The following ASTN2 variants were observed in gnomAD, a reference collection of about 807,000 sequenced individuals.
The protein encoded by ASTN2 is astrotactin 2, also known as astrotactin-2.
A neutral mutation model predicts 139.8 loss-of-function variants in ASTN2; 54 were observed. The observed-to-expected ratio is 0.39, with a 90% CI of 0.31 to 0.48. The LOEUF is 0.48. ASTN2 is among the 20% of genes least tolerant of loss of function. ASTN2 has a pLI of 0.95. For synonymous variants in ASTN2, 756 were observed against 719.5 expected, an observed-to-expected ratio of 1.05 and a Z score of -0.81; for missense variants, 1,565 against 1,725.1, an observed-to-expected ratio of 0.91 and a Z score of 1.64.
chr9:116,710,997 T>C (rs893187259), intron 16 of ASTN2, among the ~76,000 whole-genome samples: 1 of 152,178 alleles, frequency 6.6e-6, no homozygotes, highest in South Asian at 2.1e-4. Flanking sequence ...ACATGCATAT[T>C]ACCTTGCCTG....
chr9:117,004,682 G>A (rs1837304962), intron 7 of ASTN2, among the ~76,000 whole-genome samples: 1 of 152,130 alleles, frequency 6.6e-6, no homozygotes, highest in Non-Finnish European at 1.5e-5. Flanking sequence ...CTGTTGTCAT[G>A]GTATTCACGT....
chr9:116,543,030 A>C (rs1851939831), intron 19 of ASTN2, among the ~76,000 whole-genome samples: 2 of 152,028 alleles, frequency 1.3e-5, no homozygotes, highest in Non-Finnish European at 2.9e-5. Context: ...GGACAGAAAT[A>C]TTTTTGGAAC....
At chr9:117,030,035 A>G (rs1838203682) in intron 6 of ASTN2, among the ~76,000 whole-genome samples, 1 of 152,176 alleles carries the variant, frequency 6.6e-6, no homozygotes, top group Non-Finnish European at 1.5e-5. Context: ...AAAACGCTGA[A>G]GTTTAGGAGG....
At chr9:116,828,313 A>AG (rs1288515931) in intron 11 of ASTN2, among the ~76,000 whole-genome samples, 1 of 151,704 alleles carries the variant, frequency 6.6e-6, no homozygotes, top group African/African-American at 2.4e-5. Context: ...AAAAAAAAAA[A>AG]AAAATACTAG....
intron 19 of ASTN2, among the ~76,000 whole-genome samples, chr9:116,566,814 A>G (rs1853256448): frequency 6.6e-6 from 1 of 152,106 alleles, no homozygotes; most frequent in Non-Finnish European, 1.5e-5. Context: ...TGTCTTGAGG[A>G]TTCCCTTAGG....
Position 117,414,100 on chromosome 9 carries a change from G to A in ASTN2, c.442+397C>T, listed in dbSNP as rs2130987283. 6.6e-6 allele frequency among the ~76,000 whole-genome samples: 1 copy of A among 152,062 alleles called. No individual in the cohort carries two copies. Among genetic ancestry groups the A allele is most frequent in the South Asian group, 2.1e-4 (1 of 4,808 alleles). On this transcript the variant is annotated intron_variant, in intron 1 of 22. Coordinates refer to ENST00000313400, the MANE Select transcript of ASTN2 (RefSeq NM_001365068.1). The surrounding 1 kb of genome is among the most constrained non-coding windows in gnomAD (Gnocchi z 4.2). The stretch of plus-strand genomic sequence containing the variant: ...AGCGAGGGGGCGGTGACGGCGGGTG[G>A]CCAGTGACGGTACCCGGAGAAGTGG...
chr9:116,610,600 C>T (rs1453832159), intron 19 of ASTN2, among the ~76,000 whole-genome samples: 2 of 151,314 alleles, frequency 1.3e-5, no homozygotes, highest in African/African-American at 4.9e-5. Flanking sequence ...CGAAATTCTG[C>T]CTCAAAAAAC....
Position 116,854,932 on chromosome 9 carries a change from T to G in ASTN2, c.2040+8651A>C, listed in dbSNP as rs546318300. On this transcript the variant is annotated intron_variant, in intron 11 of 22. Transcript: ENST00000313400. ...CTCCCAAAGTGCTAGGATTACAGGT[T>G]TGAGCCACCGCGCCCGGCCTCCCTT... 2.2e-3 allele frequency among the ~76,000 whole-genome samples: 335 copies of G among 151,986 alleles called. 1 individual carries two copies. The highest frequency in any genetic ancestry group is 3.7e-3 in the Non-Finnish European group (252 of 67,992).
rs555341465 is a variant in ASTN2 at position 117,027,942 on chromosome 9, T to C, written c.1423+11877A>G. On this transcript the variant is annotated intron_variant, in intron 6 of 22. Coordinates refer to ENST00000313400, the MANE Select transcript of ASTN2 (RefSeq NM_001365068.1). ...GCTTCACTTTAATAGATGGTAAAAT[T>C]GGTGGTTCTGAGAAGTACAGTGACT... 2.2e-4 allele frequency among the ~76,000 whole-genome samples: 33 copies of C among 152,220 alleles called. 1 individual carries two copies. In the South Asian group the frequency reaches 6.8e-3, roughly 32 times the overall value.
At chr9:116,826,378 T>C (rs561932346) in intron 11 of ASTN2, among the ~76,000 whole-genome samples, 1 of 152,314 alleles carries the variant, frequency 6.6e-6, no homozygotes, top group Admixed American at 6.5e-5. Context: ...CATTTAATGC[T>C]GGACTATGTC....
chr9:116,610,801 T>C lies in ASTN2; in HGVS notation c.3355+7523A>G, dbSNP rs980180248. ...GTTTATGAACTTAAATAACAATAAC[T>C]TCAAAATATATAAAATAAAACATGA... On this transcript the variant is annotated intron_variant, in intron 19 of 22. Transcript: ENST00000313400. 5 of 152,086 alleles carry C rather than the reference T, an allele frequency of 3.3e-5. No homozygotes were observed. In the East Asian group the frequency reaches 7.7e-4, roughly 23 times the overall value. 9.4% of individuals were successfully genotyped at this position (152,086 alleles called of 1,614,324 possible).
chr9:117,214,928 A>G (rs1345827643), intron 2 of ASTN2, among the ~76,000 whole-genome samples, 186 bp from the exon 3 acceptor site: 1 of 152,128 alleles, frequency 6.6e-6, no homozygotes, highest in East Asian at 1.9e-4. Flanking sequence ...TCACCAACAA[A>G]CTATGTGACC....
intron 3 of ASTN2, among the ~76,000 whole-genome samples, chr9:117,172,454 G>A (rs1395763915): frequency 1.3e-5 from 2 of 152,098 alleles, no homozygotes; most frequent in East Asian, 3.9e-4. Context: ...TTTAAGTCTA[G>A]TGCAATTTAT....
intron 3 of ASTN2, among the ~76,000 whole-genome samples, chr9:117,161,389 T>C (rs1830548666): frequency 6.6e-6 from 1 of 151,936 alleles, no homozygotes; most frequent in Non-Finnish European, 1.5e-5. Flanking sequence ...GAAAAGGCGT[T>C]TTTTTTCTTT....
At chr9:117,063,633 T>A (rs1262225218) in intron 5 of ASTN2, among the ~76,000 whole-genome samples, 1 of 152,206 alleles carries the variant, frequency 6.6e-6, no homozygotes, top group Non-Finnish European at 1.5e-5. Context: ...GAAAACAGAC[T>A]AATACACCTG....
rs73519408 is a variant in ASTN2, at chr9:116,733,622, A to G, written c.2397-99T>C. ...GATGCTGTAGTCAGAATAAAGACTC[A>G]TGGTGGGGTGACTTTGCTGTAATGC... is the stretch of plus-strand genomic sequence containing the variant. On this transcript the variant is annotated intron_variant, in intron 13 of 22. Transcript: ENST00000313400. The G allele has an allele frequency of 1.4e-3, 2,081 of 1,491,562 alleles. 25 individuals are homozygous for G. The African/African-American group carries it at 0.026, about 18-fold the overall frequency. The allele number at this position is 1,491,562 out of a possible 1,614,324, so 92.4% of individuals were successfully genotyped here.
At chr9:116,782,632 C>T (rs778688673) in intron 13 of ASTN2, among the ~76,000 whole-genome samples, 15 of 152,162 alleles carry the variant, frequency 9.9e-5, no homozygotes, top group Non-Finnish European at 2.1e-4. Flanking sequence ...TGCATACTTG[C>T]CACTTTCTGA....
At chr9:116,609,958 AG>A (rs1038379657) in intron 19 of ASTN2, among the ~76,000 whole-genome samples, 12 of 152,142 alleles carry the variant, frequency 7.9e-5, no homozygotes, top group African/African-American at 2.9e-4. Flanking sequence ...TTTTTAAAAA[AG>A]AGTTATTGCT....
intron 2 of ASTN2, among the ~76,000 whole-genome samples, chr9:117,287,029 T>A (rs1021427991): frequency 2.0e-5 from 3 of 152,096 alleles, no homozygotes; most frequent in Non-Finnish European, 4.4e-5. Context: ...TAAGCCCTCA[T>A]CTGTAAATGA....
Sources: gnomAD v4.1 joint callset for allele counts (sites outside exome capture counted in the v4.1 genomes callset) on GRCh38, gnomAD v4.1.1 for gene constraint, Gnocchi (gnomAD v3.1) non-coding constraint, MANE v1.5 for transcripts, NCBI Gene and HGNC (gene_info 2026-07-23, HGNC 2026-07-21) for gene names.